IQSEC1: variants seen among roughly 807,000 people sequenced by gnomAD.
IQSEC1 encodes IQ motif and SEC7 domain-containing protein 1.
A neutral mutation model predicts 91.0 loss-of-function variants in IQSEC1; 31 were observed. The ratio of observed to expected loss-of-function variants is 0.34; its 90% CI spans 0.26 to 0.46. The LOEUF is 0.46. Ranked by LOEUF, IQSEC1 falls within the 20% of genes least tolerant of loss-of-function variation. The pLI, the probability that IQSEC1 is intolerant of heterozygous loss-of-function variation, is 1.00. For missense variants in IQSEC1, 1,388 were observed against 1,575.6 expected (o/e 0.88, Z 2.02); for synonymous variants, 699 against 662.6 (o/e 1.05, Z -0.84).
intron 1 of IQSEC1, among the ~76,000 whole-genome samples, chr3:13,267,636 T>A (rs1233223928): frequency 6.8e-6 from 1 of 147,470 alleles, no homozygotes; most frequent in East Asian, 1.9e-4. Context: ...TTTTTTTTTT[T>A]AGACAGAGTC....
At chr3:12,911,788 G>A in intron 9 of IQSEC1, 60 bp from the exon 10 acceptor site, 2 of 1,177,656 alleles carry the variant, frequency 1.7e-6, no homozygotes, top group Non-Finnish European at 1.3e-6. Flanking sequence ...GACTATGTGG[G>A]ACCTCTGGTC....
chr3:13,116,533 C>T (rs2124879807), intron 2 of IQSEC1, among the ~76,000 whole-genome samples: 1 of 152,314 alleles, frequency 6.6e-6, no homozygotes, highest in East Asian at 1.9e-4. Flanking sequence ...CCAAATGGTG[C>T]TGTGATAACT....
chr3:13,216,015 G>A (rs143830995), intron 1 of IQSEC1, among the ~76,000 whole-genome samples: 119 of 152,348 alleles, frequency 7.8e-4, no homozygotes, highest in African/African-American at 2.7e-3. Context: ...GACACCATGT[G>A]CAGGGGATGA....
At chr3:12,938,197 G>A (rs556448273) in intron 2 of IQSEC1, among the ~76,000 whole-genome samples, 1 of 152,356 alleles carries the variant, frequency 6.6e-6, no homozygotes, top group South Asian at 2.1e-4. Context: ...CTGCCTGTAT[G>A]GTCCCAGATG....
chr3:12,982,983 G>A (rs748621990), intron 1 of IQSEC1, among the ~76,000 whole-genome samples: 10 of 152,258 alleles, frequency 6.6e-5, no homozygotes, highest in Non-Finnish European at 8.8e-5. Flanking sequence ...GGCCCTGGCC[G>A]TGGTAATCAA....
chr3:13,054,458 C>T (rs1445666526), intron 1 of IQSEC1, among the ~76,000 whole-genome samples: 2 of 152,224 alleles, frequency 1.3e-5, no homozygotes, highest in Non-Finnish European at 1.5e-5. Flanking sequence ...CTGCAGTTTA[C>T]GTGTCAGCCA....
At chr3:13,051,423 C>T (rs1349167217) in intron 1 of IQSEC1, among the ~76,000 whole-genome samples, 2 of 152,164 alleles carry the variant, frequency 1.3e-5, no homozygotes, top group African/African-American at 2.4e-5. Flanking sequence ...CTGTGCTGCA[C>T]AAAGTCAGGA....
Position 12,970,368 on chromosome 3 carries a change from C to G in IQSEC1, c.24-28503G>C, listed in dbSNP as rs1433490605. Among the ~76,000 whole-genome samples the G allele has an allele frequency of 2.0e-5, 3 of 152,170 alleles. No individual in the cohort carries two copies. Among genetic ancestry groups the G allele is most frequent in the Non-Finnish European group, 4.4e-5 (3 of 68,020 alleles). On this transcript the variant is annotated intron_variant, in intron 1 of 13. Coordinates refer to ENST00000613206, the MANE Select transcript of IQSEC1 (RefSeq NM_001134382.3). The surrounding 1 kb of genome is among the most constrained non-coding windows in gnomAD (Gnocchi z 4.4). ...TAAAAAGTCATGGAGACGTTTAGTT[C>G]CACTGTATCACCCCATGTTTTAGTC... is the stretch of plus-strand genomic sequence containing the variant.
intron 1 of IQSEC1, among the ~76,000 whole-genome samples, chr3:13,007,216 CG>C (rs1427970831): frequency 2.0e-5 from 3 of 152,194 alleles, no homozygotes; most frequent in African/African-American, 7.2e-5. Flanking sequence ...CACTTAGGGT[CG>C]GGGGACAGAA....
chr3:13,025,831 G>T (rs1383563946), intron 1 of IQSEC1, among the ~76,000 whole-genome samples: 1 of 152,210 alleles, frequency 6.6e-6, no homozygotes, highest in Admixed American at 6.5e-5. Context: ...GTCACCCACA[G>T]GAGACCAGGG....
chr3:13,107,806 C>G (rs375161041), intron 2 of IQSEC1, among the ~76,000 whole-genome samples: 1 of 152,188 alleles, frequency 6.6e-6, no homozygotes. Context: ...CACGGTGATG[C>G]GGTCCTTGCT....
chr3:13,060,911 C>G (rs1473167367), intron 1 of IQSEC1, among the ~76,000 whole-genome samples: 2 of 152,156 alleles, frequency 1.3e-5, no homozygotes, highest in East Asian at 3.8e-4. Flanking sequence ...CAGGGGGGAG[C>G]CTTGAGAGGA....
At chr3:13,221,985 C>A (rs2125076051) in intron 1 of IQSEC1, among the ~76,000 whole-genome samples, 1 of 152,374 alleles carries the variant, frequency 6.6e-6, no homozygotes, top group South Asian at 2.1e-4. Context: ...TACAGCCCTG[C>A]AACCCCCAGA....
chr3:12,927,756 C>T (rs955127674), intron 3 of IQSEC1, among the ~76,000 whole-genome samples: 6 of 152,334 alleles, frequency 3.9e-5, no homozygotes, highest in East Asian at 1.9e-4. Context: ...GGGAGTAGGC[C>T]GTGGGCCCCT....
intron 2 of IQSEC1, among the ~76,000 whole-genome samples, chr3:13,145,338 C>T (rs1483854187): frequency 2.0e-5 from 3 of 152,314 alleles, no homozygotes; most frequent in Middle Eastern, 3.4e-3. Context: ...CAGCTGTCTA[C>T]TCCACCCCTA....
At chr3:13,065,497 AC>A (rs1189181741) in intron 1 of IQSEC1, among the ~76,000 whole-genome samples, 1 of 152,188 alleles carries the variant, frequency 6.6e-6, no homozygotes, top group Non-Finnish European at 1.5e-5. Flanking sequence ...CATCACTCAC[AC>A]TTTTATTCAA....
At chr3:13,003,204 GA>G (rs1702494620) in intron 1 of IQSEC1, among the ~76,000 whole-genome samples, 2 of 150,192 alleles carry the variant, frequency 1.3e-5, no homozygotes, top group South Asian at 4.2e-4. Context: ...TTGGGAGGCT[GA>G]GGCGGGAGTG....
intron 1 of IQSEC1, among the ~76,000 whole-genome samples, chr3:13,004,090 A>C (rs1363316991): frequency 1.3e-5 from 2 of 152,214 alleles, no homozygotes; most frequent in Non-Finnish European, 2.9e-5. Context: ...CACACATTTA[A>C]AAAATTATTG....
chr3:13,229,118 T>C (rs1434723199), intron 1 of IQSEC1, among the ~76,000 whole-genome samples: 1 of 152,140 alleles, frequency 6.6e-6, no homozygotes, highest in African/African-American at 2.4e-5. Context: ...CCTCACACAG[T>C]TGGCACAGCA....
Sources: allele counts gnomAD v4.1 joint callset (sites outside exome capture counted in the v4.1 genomes callset), GRCh38; gene constraint gnomAD v4.1.1; non-coding constraint Gnocchi (gnomAD v3.1); transcripts MANE v1.5; gene names NCBI Gene and HGNC (gene_info 2026-07-23, HGNC 2026-07-21).